SYN3: variants seen among roughly 807,000 people sequenced by gnomAD.
The protein encoded by SYN3 is synapsin-3.
Under a neutral mutation model 65.8 loss-of-function variants are expected in SYN3, and 35 were observed. The ratio of observed to expected loss-of-function variants is 0.53; its 90% confidence interval spans 0.41 to 0.70. The LOEUF (loss-of-function observed/expected upper bound fraction) is 0.70. SYN3 is among the 30% of genes least tolerant of loss of function. The pLI is 0.00. For synonymous variants in SYN3, 270 were observed against 292.9 expected, an observed-to-expected ratio of 0.92 and a Z score of 0.80; for missense variants, 680 against 749.0, an observed-to-expected ratio of 0.91 and a Z score of 1.08.
chr22:32,529,149 G>T, intron 10 of SYN3, 141 bp from the exon 11 acceptor site: 1 of 1,014,856 alleles, frequency 9.9e-7, no homozygotes, highest in Non-Finnish European at 1.5e-6. Context: ...ATCACCTCCA[G>T]CTGGGACTGG....
At chr22:32,789,042 G>C (rs1321352201) in intron 6 of SYN3, among the ~76,000 whole-genome samples, 1 of 152,202 alleles carries the variant, frequency 6.6e-6, no homozygotes, top group Non-Finnish European at 1.5e-5. Flanking sequence ...GGATTGCTGG[G>C]CCCCCCTCCA....
rs749890843 is a variant in SYN3 at position 32,859,336 on chromosome 22, G to GC, written c.711+5578dup. 8 of 1,613,052 alleles carry GC rather than the reference G, an allele frequency of 5.0e-6. No homozygotes were observed. Among genetic ancestry groups the GC allele is most frequent in the Non-Finnish European group, 5.1e-6 (6 of 1,179,960 alleles). ...CTACTGCAGCTGGTACCGAGGATGGGCCCCCCCGGATAAAAGCATCATCAA... is the reference window on the plus strand; with the variant it reads ...CTACTGCAGCTGGTACCGAGGATGGGCCCCCCCCGGATAAAAGCATCATCAA... On this transcript the variant is annotated intron_variant, in intron 6 of 13. Transcript: ENST00000358763.
intron 1 of SYN3, among the ~76,000 whole-genome samples, chr22:33,030,359 G>A (rs756611395): frequency 6.6e-6 from 1 of 152,192 alleles, no homozygotes; most frequent in Non-Finnish European, 1.5e-5. Flanking sequence ...GGAAGGCACC[G>A]AAATGAGGGG....
chr22:32,556,430 T>G (rs2058496775), intron 7 of SYN3, among the ~76,000 whole-genome samples: 1 of 152,190 alleles, frequency 6.6e-6, no homozygotes, highest in South Asian at 2.1e-4. Flanking sequence ...GCAACATCAC[T>G]GAAAGAAACA....
At chr22:32,899,172 G>C (rs1034721898) in intron 4 of SYN3, among the ~76,000 whole-genome samples, 2 of 143,738 alleles carry the variant, frequency 1.4e-5, no homozygotes, top group Admixed American at 7.1e-5. Context: ...ATTAACCAAG[G>C]TAAGTTATGG....
chr22:32,679,651 T>C (rs923524874), intron 6 of SYN3, among the ~76,000 whole-genome samples: 51 of 152,116 alleles, frequency 3.4e-4, no homozygotes, highest in Non-Finnish European at 5.0e-4. Flanking sequence ...TTGTTTTTAA[T>C]AACAGCCATC....
chr22:32,840,334 T>A (rs2146191959), intron 6 of SYN3, among the ~76,000 whole-genome samples: 1 of 151,850 alleles, frequency 6.6e-6, no homozygotes, highest in South Asian at 2.1e-4. Flanking sequence ...TGATGGGGAG[T>A]GCATGTTAAC....
At chr22:32,713,830 CAA>C (rs5845019) in intron 6 of SYN3, among the ~76,000 whole-genome samples, 3,601 of 105,770 alleles carry the variant, frequency 0.034, 54 homozygotes, top group African/African-American at 0.05. Flanking sequence ...GACCCCGTCT[CAA>C]AAAAAAAAAA....
At chr22:32,736,035 G>A (rs1602017927) in intron 6 of SYN3, among the ~76,000 whole-genome samples, 1 of 152,314 alleles carries the variant, frequency 6.6e-6, no homozygotes, top group East Asian at 1.9e-4. Flanking sequence ...TCAGAGGTAG[G>A]CTCATGTAGT....
intron 1 of SYN3, among the ~76,000 whole-genome samples, chr22:33,046,004 T>TAA (rs561865469): frequency 7.2e-6 from 1 of 139,848 alleles, no homozygotes. Context: ...AAAAAGCAAT[T>TAA]AAAAAAAAAA....
chr22:32,753,757 G>A (rs1161373515), intron 6 of SYN3, among the ~76,000 whole-genome samples: 4 of 152,226 alleles, frequency 2.6e-5, no homozygotes, highest in Non-Finnish European at 5.9e-5. Flanking sequence ...GGTCACCCCA[G>A]GCCAGGCCCT....
intron 1 of SYN3, among the ~76,000 whole-genome samples, chr22:33,013,439 T>G (rs1202602171): frequency 1.3e-5 from 2 of 152,214 alleles, no homozygotes; most frequent in Admixed American, 6.5e-5. Context: ...AAATTTCATT[T>G]TCAATTGACA....
intron 6 of SYN3, among the ~76,000 whole-genome samples, chr22:32,695,357 C>T (rs1052447607): frequency 6.6e-6 from 1 of 152,016 alleles, no homozygotes; most frequent in African/African-American, 2.4e-5. Flanking sequence ...ATTTTTTCAT[C>T]CCATGTTAGA....
chr22:32,601,632 G>GT (rs1352676109), intron 6 of SYN3, among the ~76,000 whole-genome samples: 2 of 151,786 alleles, frequency 1.3e-5, no homozygotes, highest in Non-Finnish European at 2.9e-5. Flanking sequence ...TTAGAACCAC[G>GT]TATGGGCTGG....
At chr22:32,878,108 C>T (rs547039363) in intron 4 of SYN3, among the ~76,000 whole-genome samples, 2 of 152,214 alleles carry the variant, frequency 1.3e-5, no homozygotes, top group East Asian at 3.9e-4. Flanking sequence ...CTTCGAAGTC[C>T]GTGTGCACAA....
At chr22:32,921,547 C>T (rs996955361) in intron 4 of SYN3, among the ~76,000 whole-genome samples, 1 of 152,064 alleles carries the variant, frequency 6.6e-6, no homozygotes, top group African/African-American at 2.4e-5. Flanking sequence ...GACAAAGATT[C>T]GAAGACACTT....
At chr22:32,959,194 T>C (rs772024431) in intron 3 of SYN3, among the ~76,000 whole-genome samples, 8 of 152,070 alleles carry the variant, frequency 5.3e-5, no homozygotes, top group African/African-American at 1.7e-4. Context: ...CGAGATCTGA[T>C]TGTTTTATCA....
chr22:33,038,695 A>AAATC (rs2053905663), intron 1 of SYN3, among the ~76,000 whole-genome samples: 1 of 152,170 alleles, frequency 6.6e-6, no homozygotes, highest in Non-Finnish European at 1.5e-5. Context: ...GTGGAAGGAG[A>AAATC]AATCCAACGT....
At chr22:32,556,865 C>T (rs975308506) in intron 7 of SYN3, among the ~76,000 whole-genome samples, 2 of 132,210 alleles carry the variant, frequency 1.5e-5, no homozygotes, top group Non-Finnish European at 3.1e-5. Flanking sequence ...TGCTGTGTTG[C>T]CCAGGCTGGT....
Sources: allele counts gnomAD v4.1 joint callset (sites outside exome capture counted in the v4.1 genomes callset), GRCh38; gene constraint gnomAD v4.1.1; transcripts MANE v1.5; gene names NCBI Gene and HGNC (gene_info 2026-07-23, HGNC 2026-07-21).